The following MCC variants were observed in gnomAD, a reference collection of about 807,000 sequenced individuals.
The protein encoded by MCC is colorectal mutant cancer protein.
In MCC, 90 loss-of-function variants were observed where a neutral mutation model predicts 116.2. That is an observed-to-expected ratio of 0.77 (90% CI 0.65 to 0.92). The LOEUF (loss-of-function observed/expected upper bound fraction) is 0.92, where lower values mean the gene tolerates loss of function less well. MCC is among the 40% of genes least tolerant of loss of function. MCC has a pLI of 0.00. For missense variants in MCC, 1,516 were observed against 1,312.2 expected (o/e 1.16, Z -2.40); for synonymous variants, 578 against 510.5 (o/e 1.13, Z -1.78).
chr5:113,434,657 A>T lies in MCC; in HGVS notation c.171-49445T>A, dbSNP rs1357873284. On this transcript the variant is annotated intron_variant, in intron 1 of 18. Transcript: ENST00000408903. The surrounding 1 kb of genome is among the most constrained non-coding windows in gnomAD (Gnocchi z 4.2). ...AGTGGTTTAACATGGCCAGAATCTC[A>T]ATTTCCCGGGGAAGGAATTTCTCCA... The T allele has an allele frequency of 6.2e-7, 1 of 1,613,830 alleles. No individual in the cohort carries two copies. The highest frequency in any genetic ancestry group is 8.5e-7 in the Non-Finnish European group (1 of 1,179,856).
chr5:113,351,154 C>A (rs1268421662), intron 2 of MCC, among the ~76,000 whole-genome samples: 4 of 151,980 alleles, frequency 2.6e-5, no homozygotes, highest in Non-Finnish European at 5.9e-5. Context: ...AAAAATAGAA[C>A]AATCATAGGA....
chr5:113,386,539 C>G (rs1487919980), intron 1 of MCC, among the ~76,000 whole-genome samples: 1 of 152,014 alleles, frequency 6.6e-6, no homozygotes, highest in Non-Finnish European at 1.5e-5. Context: ...AGTCTTCTCC[C>G]CGAAATGCTT....
At chr5:113,320,455 A>AG (rs1767395495) in intron 3 of MCC, among the ~76,000 whole-genome samples, 1 of 151,550 alleles carries the variant, frequency 6.6e-6, no homozygotes, top group African/African-American at 2.4e-5. Context: ...CTCATTGCAA[A>AG]AAAAAAAAAA....
intron 1 of MCC, among the ~76,000 whole-genome samples, chr5:113,461,096 A>C (rs894720575): frequency 1.3e-5 from 2 of 152,132 alleles, no homozygotes; most frequent in East Asian, 1.9e-4. Flanking sequence ...CCATCTCTAA[A>C]ACAGTTTTTA....
chr5:113,293,178 C>G (rs1180516622), intron 3 of MCC, among the ~76,000 whole-genome samples: 3 of 152,024 alleles, frequency 2.0e-5, no homozygotes, highest in Non-Finnish European at 2.9e-5. Context: ...GACGGCAGAC[C>G]TCCTAGGTTT....
At chr5:113,103,077 G>A (rs1003247957) in intron 7 of MCC, among the ~76,000 whole-genome samples, 9 of 152,038 alleles carry the variant, frequency 5.9e-5, no homozygotes, top group African/African-American at 1.9e-4. Context: ...TCATGCCACT[G>A]CACTCCAGCC....
chr5:113,420,797 A>G (rs960314875), intron 1 of MCC, among the ~76,000 whole-genome samples: 7 of 151,892 alleles, frequency 4.6e-5, no homozygotes, highest in Non-Finnish European at 1.0e-4. Flanking sequence ...CAGCACAACT[A>G]TTTTCTGTTT....
chr5:113,115,724 CAT>C (rs1340459695), intron 6 of MCC, among the ~76,000 whole-genome samples: 2 of 152,018 alleles, frequency 1.3e-5, no homozygotes, highest in African/African-American at 4.8e-5. Context: ...CTGTTTCACA[CAT>C]ATGTGAAAAG....
rs774870412 is a variant in MCC at position 113,352,142 on chromosome 5, C to G, written c.416-11412G>C. On this transcript the variant is annotated intron_variant, in intron 2 of 18. Transcript: ENST00000408903. ...TTTAAAAAAACTATAGTAGACTGTT[C>G]CCATTACTCTCTTTTAATCTGTCTT... 5.8e-4 allele frequency among the ~76,000 whole-genome samples: 89 copies of G among 152,248 alleles called. 1 individual carries two copies. Among genetic ancestry groups the G allele is most frequent in the Admixed American group, 7.2e-4 (11 of 15,292 alleles).
chr5:113,211,144 A>G (rs549802984), intron 3 of MCC, among the ~76,000 whole-genome samples: 2 of 152,310 alleles, frequency 1.3e-5, no homozygotes, highest in South Asian at 2.1e-4. Flanking sequence ...TGCTTAGGTC[A>G]TGATGGTAGA....
chr5:113,434,192 G>T lies in MCC; in HGVS notation c.171-48980C>A. 6.2e-7 allele frequency: 1 copy of T among 1,614,152 alleles called. No individual in the cohort carries two copies. On this transcript the variant is annotated intron_variant, in intron 1 of 18. Coordinates refer to ENST00000408903, the MANE Select transcript of MCC (RefSeq NM_001085377.2). The surrounding 1 kb of genome is among the most constrained non-coding windows in gnomAD (Gnocchi z 4.2). ...GCATCTTCTTGATGTTGGAGTCGTC[G>T]TAGGGCATGGAGCCGCAGACCATGA...
rs188579023 is a variant in MCC at position 113,257,708 on chromosome 5, G to A, written c.627+82811C>T. On this transcript the variant is annotated intron_variant, in intron 3 of 18. Transcript: ENST00000408903. Reference sequence around the variant, plus strand: ...CGAGTGCACAAATGGATATGCATGGGGGTGTGGGTGCTGGGATGTGGGTGT... The same window carrying A: ...CGAGTGCACAAATGGATATGCATGGAGGTGTGGGTGCTGGGATGTGGGTGT... Among the ~76,000 whole-genome samples the A allele has an allele frequency of 4.1e-3, 629 of 152,232 alleles. 3 individuals are homozygous for A. Among genetic ancestry groups the A allele is most frequent in the South Asian group, 0.017 (80 of 4,816 alleles).
intron 3 of MCC, among the ~76,000 whole-genome samples, chr5:113,187,988 A>G (rs1488706101): frequency 6.6e-6 from 1 of 152,182 alleles, no homozygotes; most frequent in Admixed American, 6.5e-5. Flanking sequence ...GCCCTGCTCA[A>G]GCATGATCCT....
At chr5:113,327,420 C>A (rs1168522094) in intron 3 of MCC, among the ~76,000 whole-genome samples, 2 of 150,696 alleles carry the variant, frequency 1.3e-5, no homozygotes, top group Non-Finnish European at 1.5e-5. Context: ...GTGGTGTGAG[C>A]CTGTAGTCCC....
chr5:113,434,878 A>T lies in MCC; in HGVS notation c.171-49666T>A. On this transcript the variant is annotated intron_variant, in intron 1 of 18. Coordinates refer to ENST00000408903, the MANE Select transcript of MCC (RefSeq NM_001085377.2). The surrounding 1 kb of genome is among the most constrained non-coding windows in gnomAD (Gnocchi z 4.2). ...CCCAGTGCCTCTGAGGCTGCCCTCT[A>T]CAGCCCCGAGGCGCATGGGCCAGCA... 6.3e-7 allele frequency: 1 copy of T among 1,578,824 alleles called. No individual in the cohort carries two copies. The highest frequency in any genetic ancestry group is 8.6e-7 in the Non-Finnish European group (1 of 1,160,838).
rs193161141 is a variant in MCC, at chr5:113,283,288, T to G, written c.627+57231A>C. ...AAGGAGAAGAGGACTAAGGGATTGA[T>G]AATCCAGAATATGCAAAGAAACTCT... is the stretch of plus-strand genomic sequence containing the variant. On this transcript the variant is annotated intron_variant, in intron 3 of 18. Transcript: ENST00000408903. 9.5e-4 allele frequency among the ~76,000 whole-genome samples: 144 copies of G among 152,302 alleles called. 1 individual carries two copies. The highest frequency in any genetic ancestry group is 1.9e-3 in the Non-Finnish European group (128 of 68,022).
intron 11 of MCC, among the ~76,000 whole-genome samples, chr5:113,076,453 G>T (rs6859813): frequency 0.34 from 51,039 of 152,092 alleles, 8,591 homozygotes; most frequent in Middle Eastern, 0.39. Flanking sequence ...CAGAGTAGTA[G>T]CTGATTTCTT....
chr5:113,047,745 A>T (rs1017828669), intron 16 of MCC, among the ~76,000 whole-genome samples: 1 of 152,114 alleles, frequency 6.6e-6, no homozygotes, highest in South Asian at 2.1e-4. Context: ...GACAAGGGAT[A>T]TAATTCTTTA....
chr5:113,251,182 T>C (rs1349089855), intron 3 of MCC, among the ~76,000 whole-genome samples: 2 of 152,250 alleles, frequency 1.3e-5, no homozygotes, highest in Admixed American at 6.5e-5. Flanking sequence ...CCACCACCTT[T>C]GCAAATGCCA....
Sources: gnomAD v4.1 joint callset for allele counts (sites outside exome capture counted in the v4.1 genomes callset) on GRCh38, gnomAD v4.1.1 for gene constraint, Gnocchi (gnomAD v3.1) non-coding constraint, MANE v1.5 for transcripts, NCBI Gene and HGNC (gene_info 2026-07-23, HGNC 2026-07-21) for gene names.